VWF: variants seen among roughly 807,000 people sequenced by gnomAD.
VWF encodes von Willebrand factor, also known as Factor VIII related antigen.
VWF carries 176 observed loss-of-function variants against 308.6 expected under a neutral mutation model. That is an observed-to-expected ratio of 0.57 (90% CI 0.50 to 0.65). VWF has a LOEUF of 0.65. Among genes scored for constraint, VWF ranks in the 30% least tolerant of loss-of-function variants. The pLI is 0.00. For synonymous variants in VWF, 1,385 were observed against 1,443.4 expected (o/e 0.96, Z 0.92); for missense variants, 3,146 against 3,648.2 (o/e 0.86, Z 3.55).
At chr12:6,122,876 A>G in intron 2 of VWF, 2 of 735,578 alleles carry the variant, frequency 2.7e-6, no homozygotes, top group South Asian at 1.4e-5. Flanking sequence ...CTTCCTCCTC[A>G]TCCTGTGCCC....
In VWF at chr12:6,062,991, T is replaced by C; in HGVS notation, c.1496A>G (p.Gln499Arg). 1.9e-6 allele frequency: 3 copies of C among 1,613,546 alleles called. No homozygotes were observed. The highest frequency in any genetic ancestry group is 2.5e-6 in the Non-Finnish European group (3 of 1,180,024). Residue 499 changes from glutamine (Q) to arginine (R), a missense_variant, in exon 13 of 52, where the codon CAG (glutamine) becomes CGG (arginine). Coordinates refer to ENST00000261405, the MANE Select transcript of VWF (RefSeq NM_000552.5). ...CCTCCCGCGGCCATCCCAGTCCATC[T>C]GCAGGTCCTCCCCGTAGCTGAGGCG... ...SVRLSYGEDL[Q>R]MDWDGRGRLL...
In VWF at chr12:6,052,713, G is replaced by C. The variant is rs866627411; in HGVS notation, c.2016C>G (p.Leu672=). The stretch of plus-strand genomic sequence containing the variant: ...CATTGCATTCCTCATCCGGGTAAGA[G>C]AGAGAGCGGCAGGTCAGGTTGCAGG... ...GTPCNLTCRS[L]SYPDEECNEA... is the part of the protein sequence containing the mutation. The change falls in exon 16 of 52, where the codon CTC becomes CTG. Residue 672 remains leucine (L), a synonymous_variant. Coordinates refer to ENST00000261405, the MANE Select transcript of VWF (RefSeq NM_000552.5). 1.2e-6 allele frequency: 2 copies of C among 1,614,102 alleles called. No individual in the cohort carries two copies. Among genetic ancestry groups the C allele is most frequent in the African/African-American group, 1.3e-5 (1 of 74,946 alleles).
At chr12:6,122,563 G>A in intron 2 of VWF, 1 of 320,006 alleles carries the variant, frequency 3.1e-6, no homozygotes, top group East Asian at 8.6e-5. Context: ...TCACCTGTGG[G>A]CAGTAGCTGG....
chr12:6,038,760 T>C (rs1944365635), intron 18 of VWF, among the ~76,000 whole-genome samples: 1 of 152,234 alleles, frequency 6.6e-6, no homozygotes, highest in South Asian at 2.1e-4. Context: ...TGATATTAAG[T>C]GAGGACTGCT....
At position 5,953,649 on chromosome 12, in the gene VWF, T is replaced by G. The variant is rs1355647711; in HGVS notation, c.7888-55A>C. On this transcript the variant is annotated intron_variant, in intron 47 of 51. Transcript: ENST00000261405. ...AGTTAACCTCCTTAAAACATCCCAA[T>G]TGTAAGTAGGCTGATTTTGCTGGCC... is the stretch of plus-strand genomic sequence containing the variant. The G allele has an allele frequency of 1.2e-5, 17 of 1,440,586 alleles. No homozygotes were observed. The South Asian group carries it at 1.8e-4, about 15-fold the overall frequency. 89.2% of individuals were successfully genotyped at this position (1,440,586 alleles called of 1,614,324 possible). A position where few individuals can be genotyped will look rare whatever the true frequency, so the allele number is the denominator to read the frequency against.
At chr12:6,055,703 C>G (rs1268619824) in intron 15 of VWF, among the ~76,000 whole-genome samples, 2 of 151,690 alleles carry the variant, frequency 1.3e-5, no homozygotes, top group Non-Finnish European at 2.9e-5. Flanking sequence ...ATTCCTTTCA[C>G]TGTTTCTCAT....
chr12:5,970,363 T>A (rs1943458651), intron 44 of VWF, among the ~76,000 whole-genome samples: 1 of 152,128 alleles, frequency 6.6e-6, no homozygotes, highest in Non-Finnish European at 1.5e-5. Context: ...CAGGTCACCT[T>A]ATGCTTTGCA....
intron 34 of VWF, among the ~76,000 whole-genome samples, chr12:5,997,846 C>T (rs1229585090): frequency 2.0e-5 from 3 of 152,196 alleles, no homozygotes; most frequent in African/African-American, 4.8e-5. Flanking sequence ...TATATTAACA[C>T]ATTCCAATGT....
rs1439215573 is a variant in VWF, at chr12:5,994,425, A to G, written c.6246T>C (p.Tyr2082=). Residue 2082 remains tyrosine, a synonymous_variant, in exon 36 of 52, where the codon TAT becomes TAC. Transcript: ENST00000261405. ...LSPKTFASKT[Y]GLCGICDENG... is the part of the protein sequence containing the mutation. ...AGAAAATGTTCTTACCACACAGACC[A>G]TACGTCTTTGAAGCAAAAGTCTTGG... 1 of 1,614,210 alleles carries G rather than the reference A, an allele frequency of 6.2e-7. No homozygotes were observed. Among genetic ancestry groups the G allele is most frequent in the Admixed American group, 1.7e-5 (1 of 60,026 alleles).
At chr12:5,995,097 T>C (rs1222960667) in intron 35 of VWF, among the ~76,000 whole-genome samples, 1 of 152,170 alleles carries the variant, frequency 6.6e-6, no homozygotes, top group Non-Finnish European at 1.5e-5. Context: ...TTAGTGTTAA[T>C]GCATTGTATG....
rs776475071 is a variant in VWF at position 5,994,049 on chromosome 12, G to A, written c.6411C>T (p.Ser2137=). 6.2e-7 allele frequency: 1 copy of A among 1,614,172 alleles called. No individual in the cohort carries two copies. The highest frequency in any genetic ancestry group is 1.1e-5 in the South Asian group (1 of 91,070). The stretch of plus-strand genomic sequence containing the variant: ...GTGGTAAGAGGAGGACCTGGCAGTG[G>A]GAGCTGTCGGGGACAAGACACTGCT... The part of the protein sequence containing the change: ...LEEQCLVPDS[S]HCQVLLLPLF... The change falls in exon 37 of 52, where the codon TCC becomes TCT. Residue 2137 remains serine, a synonymous_variant. Transcript: ENST00000261405.
intron 38 of VWF, among the ~76,000 whole-genome samples, chr12:5,988,624 G>A (rs1315142277): frequency 6.6e-6 from 1 of 152,228 alleles, no homozygotes; most frequent in Non-Finnish European, 1.5e-5. Context: ...TTCCCAGGAA[G>A]CTTAAGGCCT....
intron 3 of VWF, 88 bp downstream of exon 3, chr12:6,121,086 G>T: frequency 6.4e-7 from 1 of 1,559,386 alleles, no homozygotes; most frequent in Non-Finnish European, 8.8e-7. Context: ...CTCAGACACT[G>T]TCCTGAGAGC....
intron 47 of VWF, among the ~76,000 whole-genome samples, chr12:5,964,266 A>ACATG (rs1209683764): frequency 3.5e-5 from 5 of 142,724 alleles, no homozygotes; most frequent in African/African-American, 1.5e-4. Flanking sequence ...ATACATACAT[A>ACATG]CATACATGCA....
chr12:6,002,549 G>T (rs1407645789), intron 34 of VWF, among the ~76,000 whole-genome samples: 1 of 151,860 alleles, frequency 6.6e-6, no homozygotes, highest in Non-Finnish European at 1.5e-5. Context: ...TAGATGAAAT[G>T]GATAAATTTC....
At position 6,016,094 on chromosome 12, in the gene VWF, G is replaced by A; in HGVS notation, c.5450C>T (p.Ser1817Phe). The A allele has an allele frequency of 1.2e-6, 2 of 1,614,092 alleles. No homozygotes were observed. Among genetic ancestry groups the A allele is most frequent in the Non-Finnish European group, 1.7e-6 (2 of 1,180,002 alleles). ...ACTGTACACCAGATTCTTACTGTTG[G>A]ACCTGGCGGCATCAGCTGCTGCATC... ...SVDAAADAAR[S>F]NRVTVFPIGI... The change falls in exon 31 of 52, where the codon TCC (serine) becomes TTC (phenylalanine). Residue 1817 changes from serine to phenylalanine, a missense_variant. Ser to Phe is a radical substitution (Grantham distance 155). Coordinates refer to ENST00000261405, the MANE Select transcript of VWF (RefSeq NM_000552.5).
At chr12:6,112,852 A>ACACC (rs1488406586) in intron 3 of VWF, among the ~76,000 whole-genome samples, 3 of 147,206 alleles carry the variant, frequency 2.0e-5, no homozygotes, top group African/African-American at 7.8e-5. Flanking sequence ...ACACACACAC[A>ACACC]CCACACGCAC....
At chr12:5,968,066 T>G in intron 46 of VWF, 61 bp downstream of exon 46, 1 of 1,608,912 alleles carries the variant, frequency 6.2e-7, no homozygotes. Context: ...CTGCTCCCCT[T>G]CCCACAGTAC....
chr12:6,022,524 T>A (rs1473772904), intron 26 of VWF, among the ~76,000 whole-genome samples: 1 of 148,866 alleles, frequency 6.7e-6, no homozygotes. Flanking sequence ...GAGAATCCCA[T>A]AAATAGGCAC....
Sources: allele counts gnomAD v4.1 joint callset (sites outside exome capture counted in the v4.1 genomes callset), GRCh38; gene constraint gnomAD v4.1.1; transcripts MANE v1.5; gene names NCBI Gene and HGNC (gene_info 2026-07-23, HGNC 2026-07-21).